The following BIRC6 variants were observed in gnomAD, a reference collection of about 807,000 sequenced individuals.
BIRC6 encodes baculoviral IAP repeat containing 6, also known as dual E2 ubiquitin-conjugating enzyme/E3 ubiquitin-protein ligase BIRC6.
Under a neutral mutation model 503.3 loss-of-function variants are expected in BIRC6, and 98 were observed. That is an observed-to-expected ratio of 0.19 (90% CI 0.17 to 0.23). The LOEUF (loss-of-function observed/expected upper bound fraction) is 0.23, where lower values mean the gene tolerates loss of function less well. Among genes scored for constraint, BIRC6 ranks in the 10% least tolerant of loss-of-function variants. The pLI is 1.00. For missense variants in BIRC6, 5,360 were observed against 5,806.0 expected (o/e 0.92, Z 2.50); for synonymous variants, 2,240 against 2,078.7 (o/e 1.08, Z -2.11).
chr2:32,544,477 TTTTC>T lies in BIRC6; in HGVS notation c.12592+943_12592+946del, dbSNP rs145570511. 8.3e-3 allele frequency among the ~76,000 whole-genome samples: 1,251 copies of T among 150,448 alleles called. 8 individuals are homozygous for T. The highest frequency in any genetic ancestry group is 0.021 in the Middle Eastern group (6 of 292). Reference sequence around the variant, plus strand: ...ATTTGGGTGACGTCTGCATTTTCTTTTTTCTTTCTTCTTCTTTTTTTTTTTTGCA... The same window carrying T: ...ATTTGGGTGACGTCTGCATTTTCTTTTTTCTTCTTCTTTTTTTTTTTTGCA... On this transcript the variant is annotated intron_variant, in intron 62 of 73. Transcript: ENST00000421745.
At chr2:32,495,790 GTTTTT>G in intron 45 of BIRC6, among the ~76,000 whole-genome samples, 1 of 84,806 alleles carries the variant, frequency 1.2e-5, no homozygotes, top group African/African-American at 4.8e-5. Context: ...TCAGGATGAA[GTTTTT>G]TTTTTTTTTT....
At chr2:32,363,858 T>A (rs974237307) in intron 1 of BIRC6, among the ~76,000 whole-genome samples, 5 of 152,200 alleles carry the variant, frequency 3.3e-5, no homozygotes, top group African/African-American at 1.2e-4. Flanking sequence ...CCTTTGAGTC[T>A]CTTGGCTGCT....
At chr2:32,600,581 T>C (rs1229326516) in intron 70 of BIRC6, among the ~76,000 whole-genome samples, 1 of 152,144 alleles carries the variant, frequency 6.6e-6, no homozygotes, top group East Asian at 1.9e-4. Flanking sequence ...TGTAGCTGAG[T>C]AGGGAAGAGG....
intron 1 of BIRC6, among the ~76,000 whole-genome samples, chr2:32,374,994 A>G (rs987641799): frequency 1.3e-5 from 2 of 152,152 alleles, no homozygotes; most frequent in Non-Finnish European, 2.9e-5. Context: ...TCAGTCCATG[A>G]ACATGGTATT....
intron 72 of BIRC6, among the ~76,000 whole-genome samples, chr2:32,610,896 G>A (rs2062825536): frequency 6.6e-6 from 1 of 150,410 alleles, no homozygotes; most frequent in African/African-American, 2.4e-5. Flanking sequence ...AGCCTCCCAA[G>A]TAGCTGGCAC....
chr2:32,505,333 T>C lies in BIRC6; in HGVS notation c.9700+128T>C, dbSNP rs1302073009. The C allele has an allele frequency of 2.6e-5, 19 of 738,034 alleles. No homozygotes were observed. In the Admixed American group the frequency reaches 5.0e-4, roughly 20 times the overall value. 45.7% of individuals were successfully genotyped at this position (738,034 alleles called of 1,614,324 possible). A position where few individuals can be genotyped will look rare whatever the true frequency, so the allele number is the denominator to read the frequency against. ...ACCAGAGAGTGTAACTTCTGAACAG[T>C]TTTTATTGAAATAATTAATACTACC... On this transcript the variant is annotated intron_variant, in intron 50 of 73. Transcript: ENST00000421745.
At chr2:32,611,746 T>C (rs1367471350) in intron 73 of BIRC6, among the ~76,000 whole-genome samples, 164 bp downstream of exon 73, 5 of 152,170 alleles carry the variant, frequency 3.3e-5, no homozygotes, top group Non-Finnish European at 4.4e-5. Flanking sequence ...ATAGAAAAGA[T>C]ACATTTTTTT....
At chr2:32,450,271 G>A (rs1167976367) in intron 22 of BIRC6, among the ~76,000 whole-genome samples, 1 of 152,170 alleles carries the variant, frequency 6.6e-6, no homozygotes, top group Non-Finnish European at 1.5e-5. Flanking sequence ...GAGGTCAGGA[G>A]ATCGAGACCA....
chr2:32,474,654 A>G (rs1335766407), intron 33 of BIRC6, among the ~76,000 whole-genome samples: 2 of 152,194 alleles, frequency 1.3e-5, no homozygotes, highest in East Asian at 3.8e-4. Flanking sequence ...CTTACTGCCA[A>G]ATGGCTTAGT....
rs2042239359 is a variant in BIRC6 at position 32,414,752 on chromosome 2, A to G, written c.1478-17A>G. 2 of 1,592,514 alleles carry G rather than the reference A, an allele frequency of 1.3e-6. No individual in the cohort carries two copies. Among genetic ancestry groups the G allele is most frequent in the African/African-American group, 2.7e-5 (2 of 74,106 alleles). On this transcript the variant is annotated splice_polypyrimidine_tract_variant and intron_variant, in intron 9 of 73. Transcript: ENST00000421745. ...ATGAGTAGAAACATATCTAATGAAT[A>G]TTGTTCCTTTTTAAAGGGCATACAT...
chr2:32,566,406 A>C (rs1312582010), intron 65 of BIRC6: 2 of 152,242 alleles, frequency 1.3e-5, no homozygotes, highest in Non-Finnish European at 2.9e-5. Flanking sequence ...GGCTTGGAGT[A>C]CAGTGGTGTG....
intron 68 of BIRC6, among the ~76,000 whole-genome samples, chr2:32,596,709 C>G (rs1426596759): frequency 6.6e-6 from 1 of 152,154 alleles, no homozygotes; most frequent in African/African-American, 2.4e-5. Context: ...AGATTTCGTT[C>G]CGCTTCCTGG....
chr2:32,521,472 T>C (rs1181593860), intron 57 of BIRC6, among the ~76,000 whole-genome samples: 1 of 150,928 alleles, frequency 6.6e-6, no homozygotes, highest in African/African-American at 2.4e-5. Context: ...GTTTTTTTTG[T>C]TTTTTGTTTT....
intron 1 of BIRC6, among the ~76,000 whole-genome samples, chr2:32,361,988 G>A (rs2149097268): frequency 6.6e-6 from 1 of 152,324 alleles, no homozygotes; most frequent in East Asian, 1.9e-4. Flanking sequence ...TAAACCTGCT[G>A]TAAACATTTG....
intron 6 of BIRC6, among the ~76,000 whole-genome samples, chr2:32,398,713 CT>C (rs1445256417): frequency 1.3e-5 from 2 of 151,872 alleles, no homozygotes; most frequent in African/African-American, 4.8e-5. Context: ...GGGTCTTTAG[CT>C]TTATTTTATA....
intron 66 of BIRC6, among the ~76,000 whole-genome samples, chr2:32,575,977 C>T (rs771639332): frequency 1.3e-5 from 2 of 152,180 alleles, no homozygotes; most frequent in Non-Finnish European, 2.9e-5. Context: ...GCTAGTTTCT[C>T]ACATAATGTT....
At chr2:32,365,541 G>A (rs565918711) in intron 1 of BIRC6, among the ~76,000 whole-genome samples, 21 of 152,104 alleles carry the variant, frequency 1.4e-4, no homozygotes, top group Admixed American at 1.2e-3. Flanking sequence ...GGCTGGTCTC[G>A]AACTCCTGAC....
At chr2:32,375,694 C>T (rs538402596) in intron 1 of BIRC6, among the ~76,000 whole-genome samples, 50 of 151,378 alleles carry the variant, frequency 3.3e-4, no homozygotes, top group Non-Finnish European at 4.7e-4. Context: ...ATACATTTAC[C>T]GTATTGATAA....
chr2:32,582,650 A>G (rs1013593631), intron 66 of BIRC6, among the ~76,000 whole-genome samples: 1 of 152,086 alleles, frequency 6.6e-6, no homozygotes. Context: ...CCGTAATCCC[A>G]GCTACCGAGG....
Sources: gnomAD v4.1 joint callset for allele counts (sites outside exome capture counted in the v4.1 genomes callset) on GRCh38, gnomAD v4.1.1 for gene constraint, MANE v1.5 for transcripts, NCBI Gene and HGNC (gene_info 2026-07-23, HGNC 2026-07-21) for gene names.